MTA3: variants seen among roughly 807,000 people sequenced by gnomAD.
The protein encoded by MTA3 is metastasis-associated protein MTA3.
MTA3 carries 34 observed loss-of-function variants against 83.5 expected under a neutral mutation model. The observed-to-expected ratio is 0.41, with a 90% confidence interval of 0.31 to 0.54. MTA3 has a LOEUF of 0.54. Ranked by LOEUF, MTA3 falls within the 20% of genes least tolerant of loss-of-function variation. The pLI, the probability that MTA3 is intolerant of heterozygous loss-of-function variation, is 0.33. For synonymous variants in MTA3, 303 were observed against 252.7 expected (o/e 1.20, Z -1.89); for missense variants, 761 against 726.4 (o/e 1.05, Z -0.55).
At chr2:42,717,192 TA>T (rs1378639596) in intron 14 of MTA3, among the ~76,000 whole-genome samples, 2 of 142,522 alleles carry the variant, frequency 1.4e-5, no homozygotes, top group African/African-American at 5.2e-5. Context: ...AACTTTTATT[TA>T]AAATTATTTG....
intron 3 of MTA3, among the ~76,000 whole-genome samples, chr2:42,582,831 A>G (rs1015148481): frequency 7.2e-5 from 11 of 152,110 alleles, no homozygotes; most frequent in African/African-American, 2.7e-4. Flanking sequence ...AATTTTAAGG[A>G]ACTTAGCATC....
At chr2:42,691,730 TTG>T (rs973228512) in intron 9 of MTA3, among the ~76,000 whole-genome samples, 2 of 152,230 alleles carry the variant, frequency 1.3e-5, no homozygotes, top group Non-Finnish European at 2.9e-5. Context: ...CCTTCAGCTT[TTG>T]TTTGTCAGCA....
intron 2 of MTA3, among the ~76,000 whole-genome samples, chr2:42,517,346 T>C (rs1327282620): frequency 6.6e-6 from 1 of 151,662 alleles, no homozygotes; most frequent in Non-Finnish European, 1.5e-5. Flanking sequence ...CCGAGGCAGG[T>C]GCATCACCTG....
At chr2:42,670,861 C>T (rs1573557586) in intron 8 of MTA3, among the ~76,000 whole-genome samples, 1 of 151,650 alleles carries the variant, frequency 6.6e-6, no homozygotes, top group Non-Finnish European at 1.5e-5. Context: ...CAAGGATATT[C>T]TCATATATTA....
intron 5 of MTA3, among the ~76,000 whole-genome samples, chr2:42,642,144 TTTC>T (rs1201437469): frequency 1.3e-5 from 2 of 152,294 alleles, no homozygotes; most frequent in South Asian, 2.1e-4. Flanking sequence ...TCTGGAACCT[TTTC>T]TTCTTCTTTT....
intron 4 of MTA3, among the ~76,000 whole-genome samples, chr2:42,622,176 G>A (rs1685632359): frequency 6.6e-6 from 1 of 152,214 alleles, no homozygotes; most frequent in East Asian, 1.9e-4. Context: ...GCCGAGGCTG[G>A]CAGATCACTC....
chr2:42,626,407 C>G (rs1686099750), intron 4 of MTA3, among the ~76,000 whole-genome samples: 1 of 151,670 alleles, frequency 6.6e-6, no homozygotes, highest in South Asian at 2.1e-4. Flanking sequence ...AAGCGATTCT[C>G]CTGCCTCCGC....
At chr2:42,603,992 G>A (rs1320166500) in intron 3 of MTA3, among the ~76,000 whole-genome samples, 1 of 152,086 alleles carries the variant, frequency 6.6e-6, no homozygotes, top group Non-Finnish European at 1.5e-5. Context: ...CTTGTGATCC[G>A]CCTGCCTCGG....
intron 16 of MTA3, among the ~76,000 whole-genome samples, chr2:42,738,213 GAT>G (rs1668749869): frequency 6.6e-6 from 1 of 152,180 alleles, no homozygotes; most frequent in Non-Finnish European, 1.5e-5. Context: ...AGTGAGCCAA[GAT>G]TGCACCACTG....
At chr2:42,582,684 C>G (rs907039898) in intron 3 of MTA3, among the ~76,000 whole-genome samples, 1 of 152,132 alleles carries the variant, frequency 6.6e-6, no homozygotes, top group Non-Finnish European at 1.5e-5. Context: ...GGGGTCTGCT[C>G]ACTGTTGGTA....
At chr2:42,648,215 C>T (rs1236050376) in intron 6 of MTA3, among the ~76,000 whole-genome samples, 1 of 152,256 alleles carries the variant, frequency 6.6e-6, no homozygotes, top group Non-Finnish European at 1.5e-5. Context: ...CAGTAATTAA[C>T]CACACTTGAA....
At chr2:42,738,808 C>T (rs1292794630) in intron 16 of MTA3, among the ~76,000 whole-genome samples, 1 of 152,184 alleles carries the variant, frequency 6.6e-6, no homozygotes, top group Non-Finnish European at 1.5e-5. Context: ...CAGGGCGTAC[C>T]TGTTTCTTAT....
intron 2 of MTA3, among the ~76,000 whole-genome samples, chr2:42,534,489 C>T (rs745611272): frequency 2.4e-4 from 36 of 151,836 alleles, no homozygotes; most frequent in Non-Finnish European, 4.3e-4. Context: ...TCCAGCTATT[C>T]GGGAGGCTGA....
rs977871474 is a variant in MTA3 at position 42,753,462 on chromosome 2, G to A, written c.*63G>A. On this transcript the variant is annotated 3_prime_UTR_variant, in exon 17 of 17. Transcript: ENST00000405094. Reference sequence around the variant, plus strand: ...CACTGTCCTGCTGATGTTCACAGCCGTGCCTGGGAAGAAGGCAGCCCCACT... The same window carrying A: ...CACTGTCCTGCTGATGTTCACAGCCATGCCTGGGAAGAAGGCAGCCCCACT... 49 of 1,549,374 alleles carry A rather than the reference G, an allele frequency of 3.2e-5. No individual in the cohort carries two copies. The highest frequency in any genetic ancestry group is 1.7e-4 in the Middle Eastern group (1 of 6,010).
intron 8 of MTA3, among the ~76,000 whole-genome samples, chr2:42,678,587 C>A (rs1691592239): frequency 6.6e-6 from 1 of 152,096 alleles, no homozygotes; most frequent in African/African-American, 2.4e-5. Context: ...CATTGGCCTC[C>A]CAAAGTGCTG....
chr2:42,724,069 T>C (rs1325572174), intron 16 of MTA3, among the ~76,000 whole-genome samples: 1 of 152,094 alleles, frequency 6.6e-6, no homozygotes, highest in Non-Finnish European at 1.5e-5. Context: ...ACGTTGGCCA[T>C]CCTTGACACA....
intron 4 of MTA3, among the ~76,000 whole-genome samples, chr2:42,636,064 G>A (rs530905215): frequency 5.3e-5 from 8 of 152,118 alleles, no homozygotes; most frequent in South Asian, 2.1e-4. Flanking sequence ...CCACGGCGCC[G>A]GGCCAGGAAT....
chr2:42,665,066 G>A (rs952675046), intron 8 of MTA3, among the ~76,000 whole-genome samples: 8 of 152,122 alleles, frequency 5.3e-5, no homozygotes, highest in Non-Finnish European at 1.2e-4. Context: ...GGTTTCACTC[G>A]TTTTGTTAAA....
At position 42,514,682 on chromosome 2, in the gene MTA3, CTTTTTTTT is replaced by C. The variant is rs767598363; in HGVS notation, c.-141+19446_-141+19453del. On this transcript the variant is annotated intron_variant, in intron 2 of 17. Transcript: ENST00000405592. ...GATTACAGGCATGAGCGCCCAGCCC[CTTTTTTTT>C]TTTTTTTTTTTTTTTTTGAGACAGG... is the stretch of plus-strand genomic sequence containing the variant. Among the ~76,000 whole-genome samples the C allele has an allele frequency of 7.5e-5, 4 of 53,492 alleles. No individual in the cohort carries two copies. In the Admixed American group the frequency reaches 1.0e-3, roughly 13 times the overall value. The allele number at this position is 53,492 out of a possible 152,430, so 35.1% of individuals were successfully genotyped here.
Sources: allele counts gnomAD v4.1 joint callset (sites outside exome capture counted in the v4.1 genomes callset), GRCh38; gene constraint gnomAD v4.1.1; transcripts MANE v1.5; gene names NCBI Gene and HGNC (gene_info 2026-07-23, HGNC 2026-07-21).